The following NRG1 variants were observed in gnomAD, a reference collection of about 807,000 sequenced individuals.
NRG1 encodes pro-neuregulin-1, membrane-bound isoform.
In NRG1, 18 loss-of-function variants were observed where a neutral mutation model predicts 63.8. The ratio of observed to expected loss-of-function variants is 0.28; its 90% CI spans 0.19 to 0.42. NRG1 has a LOEUF of 0.42. Ranked by LOEUF, NRG1 falls within the 10% of genes least tolerant of loss-of-function variation. NRG1 has a pLI of 1.00. For missense variants in NRG1, 762 were observed against 814.7 expected (o/e 0.94, Z 0.79); for synonymous variants, 302 against 301.3 (o/e 1.00, Z -0.02).
At chr8:31,810,568 T>C (rs1001019336) in intron 1 of NRG1, among the ~76,000 whole-genome samples, 1 of 152,156 alleles carries the variant, frequency 6.6e-6, no homozygotes, top group Non-Finnish European at 1.5e-5. Flanking sequence ...ACCTAGTAGC[T>C]CTTTCTCTAG....
chr8:32,399,754 G>A (rs776051483), intron 1 of NRG1, among the ~76,000 whole-genome samples: 3 of 152,170 alleles, frequency 2.0e-5, no homozygotes, highest in African/African-American at 7.2e-5. Flanking sequence ...ACTTTGTGTA[G>A]AGACTTTTCC....
At chr8:32,537,851 GTTTTCTT>G (rs1473911193) in intron 1 of NRG1, among the ~76,000 whole-genome samples, 1 of 152,000 alleles carries the variant, frequency 6.6e-6, no homozygotes, top group Non-Finnish European at 1.5e-5. Flanking sequence ...GGTTACTCTT[GTTTTCTT>G]TTTTCTTTTT....
chr8:31,855,667 G>C (rs917799792), intron 1 of NRG1, among the ~76,000 whole-genome samples: 1 of 152,092 alleles, frequency 6.6e-6, no homozygotes, highest in African/African-American at 2.4e-5. Flanking sequence ...GATGTTAGCT[G>C]GTTATTTTGC....
intron 1 of NRG1, among the ~76,000 whole-genome samples, chr8:32,437,723 A>C (rs1417133943): frequency 6.6e-6 from 1 of 152,208 alleles, no homozygotes; most frequent in African/African-American, 2.4e-5. Flanking sequence ...AATTACCAAC[A>C]TAACACCATC....
intron 1 of NRG1, among the ~76,000 whole-genome samples, chr8:32,163,020 A>G (rs1839003000): frequency 6.6e-6 from 1 of 152,224 alleles, no homozygotes; most frequent in Non-Finnish European, 1.5e-5. Flanking sequence ...CTGTGAACCA[A>G]TGTGTATCCA....
At chr8:32,118,188 G>A (rs1001156945) in intron 1 of NRG1, among the ~76,000 whole-genome samples, 4 of 152,058 alleles carry the variant, frequency 2.6e-5, no homozygotes, top group Non-Finnish European at 5.9e-5. Context: ...TTGGAGGTGG[G>A]CTTAATGGGA....
intron 1 of NRG1, among the ~76,000 whole-genome samples, chr8:32,204,365 A>T (rs980777978): frequency 6.6e-6 from 1 of 152,214 alleles, no homozygotes; most frequent in Non-Finnish European, 1.5e-5. Flanking sequence ...ACATGAACCT[A>T]TCGTTTTGTT....
At chr8:32,012,664 T>G (rs1455698636) in intron 1 of NRG1, among the ~76,000 whole-genome samples, 1 of 152,118 alleles carries the variant, frequency 6.6e-6, no homozygotes, top group Non-Finnish European at 1.5e-5. Flanking sequence ...AGCTTCCTTC[T>G]AAGGCTCAGC....
At chr8:32,386,365 A>G (rs1811029318) in intron 1 of NRG1, among the ~76,000 whole-genome samples, 1 of 152,194 alleles carries the variant, frequency 6.6e-6, no homozygotes, top group Non-Finnish European at 1.5e-5. Flanking sequence ...GACGACCCAG[A>G]CTTTCCTCCC....
At chr8:31,910,224 C>G (rs60933682) in intron 1 of NRG1, among the ~76,000 whole-genome samples, 1 of 152,094 alleles carries the variant, frequency 6.6e-6, no homozygotes, top group Non-Finnish European at 1.5e-5. Context: ...AGCCATGAGG[C>G]GGGAAGAAGC....
chr8:32,017,069 T>C (rs536048733), intron 1 of NRG1, among the ~76,000 whole-genome samples: 23 of 152,156 alleles, frequency 1.5e-4, no homozygotes, highest in African/African-American at 5.3e-4. Context: ...GAGAGGAAAA[T>C]GTTGGAATGG....
chr8:31,896,407 G>T (rs1831583168), intron 1 of NRG1, among the ~76,000 whole-genome samples: 1 of 152,148 alleles, frequency 6.6e-6, no homozygotes, highest in South Asian at 2.1e-4. Flanking sequence ...GGACCCCAGG[G>T]TACTGCACCA....
At chr8:32,248,647 T>C (rs907586192) in intron 1 of NRG1, among the ~76,000 whole-genome samples, 3 of 152,022 alleles carry the variant, frequency 2.0e-5, no homozygotes, top group African/African-American at 7.2e-5. Flanking sequence ...CTCCAAAATA[T>C]TAGTACCATT....
chr8:32,464,883 A>T (rs1405234968), intron 1 of NRG1, among the ~76,000 whole-genome samples: 1 of 152,126 alleles, frequency 6.6e-6, no homozygotes, highest in East Asian at 1.9e-4. Context: ...AAGCATGGAA[A>T]TTCAGCTGTG....
At chr8:32,748,958 T>G (rs1166087149) in intron 7 of NRG1, 1 of 220,114 alleles carries the variant, frequency 4.5e-6, no homozygotes, top group Non-Finnish European at 9.1e-6. Context: ...TTAGAAGAAG[T>G]AAAAGAGATA....
chr8:32,197,523 C>T lies in NRG1; in HGVS notation c.38-398305C>T, dbSNP rs1375053780. On this transcript the variant is annotated intron_variant, in intron 1 of 10. Transcript: ENST00000519301. ...TGCCTGACCTTTTGCCTTTTGGCAA[C>T]GTTTATCACCTCTGAGGATTCAGCT... Among the ~76,000 whole-genome samples, 5 of 152,196 alleles carry T rather than the reference C, an allele frequency of 3.3e-5. No homozygotes were observed. The South Asian group carries it at 6.2e-4, about 19-fold the overall frequency.
rs564194759 is a variant in NRG1 at position 31,933,291 on chromosome 8, T to C, written c.37+293860T>C. On this transcript the variant is annotated intron_variant, in intron 1 of 10. Transcript: ENST00000519301. ...TGTCATTATTATTATCCTCGTTTTT[T>C]TTTTTTGAGACAGAGTTTCACTCTT... Among the ~76,000 whole-genome samples, 279 of 152,302 alleles carry C rather than the reference T, an allele frequency of 1.8e-3. 3 individuals are homozygous for C. Among genetic ancestry groups the C allele is most frequent in the Admixed American group, 7.5e-3 (114 of 15,298 alleles).
intron 1 of NRG1, among the ~76,000 whole-genome samples, chr8:31,869,841 C>A (rs987304011): frequency 2.0e-5 from 3 of 152,080 alleles, no homozygotes; most frequent in Non-Finnish European, 4.4e-5. Context: ...ATTGAACATG[C>A]GCATCCATGA....
At chr8:31,849,962 A>C (rs560906268) in intron 1 of NRG1, among the ~76,000 whole-genome samples, 1 of 152,260 alleles carries the variant, frequency 6.6e-6, no homozygotes, top group African/African-American at 2.4e-5. Context: ...AGATAAGATA[A>C]ATTTTCTAAT....
Sources: allele counts gnomAD v4.1 joint callset (sites outside exome capture counted in the v4.1 genomes callset), GRCh38; gene constraint gnomAD v4.1.1; transcripts MANE v1.5; gene names NCBI Gene and HGNC (gene_info 2026-07-23, HGNC 2026-07-21).